MEGF9: variants seen among roughly 807,000 people sequenced by gnomAD.
MEGF9 encodes multiple epidermal growth factor-like domains protein 9.
MEGF9 carries 6 observed loss-of-function variants against 46.8 expected under a neutral mutation model. The observed-to-expected ratio is 0.13, with a 90% confidence interval of 0.07 to 0.25. The LOEUF is 0.25. MEGF9 is among the 10% of genes least tolerant of loss of function. The pLI is 1.00. For missense variants in MEGF9, 683 were observed against 792.4 expected, an observed-to-expected ratio of 0.86 and a Z score of 1.66; for synonymous variants, 302 against 330.7, an observed-to-expected ratio of 0.91 and a Z score of 0.94.
intron 1 of MEGF9, among the ~76,000 whole-genome samples, chr9:120,665,978 A>G (rs2132325691): frequency 6.6e-6 from 1 of 152,120 alleles, no homozygotes; most frequent in East Asian, 1.9e-4. Context: ...TACCTATGCC[A>G]TGTTGTTTTG....
At chr9:120,675,735 A>C (rs1322771578) in intron 1 of MEGF9, among the ~76,000 whole-genome samples, 1 of 151,652 alleles carries the variant, frequency 6.6e-6, no homozygotes, top group East Asian at 1.9e-4. Flanking sequence ...AAAAATACAA[A>C]AAATTAGCCG....
At chr9:120,677,252 C>G (rs1021594994) in intron 1 of MEGF9, among the ~76,000 whole-genome samples, 2 of 151,992 alleles carry the variant, frequency 1.3e-5, no homozygotes, top group Non-Finnish European at 2.9e-5. Context: ...CCTCAGCTTC[C>G]CAAGTAGTTG....
chr9:120,686,043 T>C lies in MEGF9; in HGVS notation c.602-26468A>G, dbSNP rs567464731. Among the ~76,000 whole-genome samples the C allele has an allele frequency of 5.9e-5, 9 of 151,540 alleles. No homozygotes were observed. In the East Asian group the frequency reaches 1.5e-3, roughly 26 times the overall value. ...AATTCACAGAAACAGATTGGAATGA[T>C]AGTTGCCAAGAGCTTGGGGGAAGGG... is the stretch of plus-strand genomic sequence containing the variant. On this transcript the variant is annotated intron_variant, in intron 1 of 5. Coordinates refer to ENST00000373930, the MANE Select transcript of MEGF9 (RefSeq NM_001080497.3).
Position 120,628,468 on chromosome 9 carries a change from GTTTTTTTTTTTTT to G in MEGF9, c.804-5726_804-5714del, listed in dbSNP as rs1170322238. ...TATTCAGACAGAAATTCTTGTCGTTGTTTTTTTTTTTTTTTTTTTTTTTTTTTCAGAGACAGAG... is the reference window on the plus strand; with the variant it reads ...TATTCAGACAGAAATTCTTGTCGTTGTTTTTTTTTTTTTTCAGAGACAGAG... On this transcript the variant is annotated intron_variant, in intron 2 of 5. Coordinates refer to ENST00000373930, the MANE Select transcript of MEGF9 (RefSeq NM_001080497.3). 6.7e-4 allele frequency among the ~76,000 whole-genome samples: 46 copies of G among 69,064 alleles called. 1 individual carries two copies. Among genetic ancestry groups the G allele is most frequent in the South Asian group, 5.9e-4 (1 of 1,706 alleles). 45.3% of individuals were successfully genotyped at this position (69,064 alleles called of 152,430 possible). A position where few individuals can be genotyped will look rare whatever the true frequency, so the allele number is the denominator to read the frequency against.
intron 1 of MEGF9, among the ~76,000 whole-genome samples, chr9:120,673,918 C>T (rs1449004725): frequency 7.0e-6 from 1 of 143,216 alleles, no homozygotes; most frequent in Non-Finnish European, 1.5e-5. Context: ...TGCAGTGAGC[C>T]GAGATCGTGC....
At chr9:120,704,848 C>T (rs1333797845) in intron 1 of MEGF9, among the ~76,000 whole-genome samples, 5 of 152,188 alleles carry the variant, frequency 3.3e-5, no homozygotes, top group African/African-American at 1.2e-4. Flanking sequence ...GAAATTCTGT[C>T]ATTCAAAAGA....
intron 2 of MEGF9, among the ~76,000 whole-genome samples, chr9:120,637,196 T>C (rs988613148): frequency 1.3e-5 from 2 of 151,794 alleles, no homozygotes; most frequent in African/African-American, 4.9e-5. Context: ...GTGCAAGATG[T>C]GCTTTGTTAA....
intron 4 of MEGF9, among the ~76,000 whole-genome samples, chr9:120,611,643 G>C (rs879821768): frequency 1.3e-5 from 2 of 151,978 alleles, no homozygotes; most frequent in Non-Finnish European, 2.9e-5. Flanking sequence ...TCCTTTTGTT[G>C]GGGGAGGTGA....
intron 2 of MEGF9, among the ~76,000 whole-genome samples, chr9:120,645,915 G>A (rs902869223): frequency 2.6e-5 from 4 of 152,162 alleles, no homozygotes; most frequent in Non-Finnish European, 2.9e-5. Flanking sequence ...TACAGTGGGT[G>A]GTAGCAATTG....
At chr9:120,692,652 CA>C (rs984719535) in intron 1 of MEGF9, among the ~76,000 whole-genome samples, 2 of 152,100 alleles carry the variant, frequency 1.3e-5, no homozygotes, top group African/African-American at 4.8e-5. Flanking sequence ...CAAATCTCTT[CA>C]TTCCCTGTTC....
intron 2 of MEGF9, among the ~76,000 whole-genome samples, chr9:120,632,797 C>T (rs535713138): frequency 2.2e-4 from 33 of 152,168 alleles, no homozygotes; most frequent in African/African-American, 5.5e-4. Flanking sequence ...GTTTTTATCA[C>T]GAAGGAATGT....
chr9:120,617,474 C>T (rs562417090), intron 3 of MEGF9, among the ~76,000 whole-genome samples: 14 of 152,180 alleles, frequency 9.2e-5, no homozygotes, highest in South Asian at 4.2e-4. Context: ...CAGTATGGAG[C>T]CCAGGTTAAC....
intron 1 of MEGF9, among the ~76,000 whole-genome samples, chr9:120,697,827 C>A (rs1040823550): frequency 2.0e-5 from 3 of 152,024 alleles, no homozygotes; most frequent in African/African-American, 7.2e-5. Flanking sequence ...AGAACCAGTG[C>A]TGAGACAGAA....
chr9:120,638,093 A>T (rs1054712066), intron 2 of MEGF9, among the ~76,000 whole-genome samples: 34 of 152,160 alleles, frequency 2.2e-4, no homozygotes, highest in African/African-American at 8.0e-4. Flanking sequence ...ACTGAGCTCA[A>T]ATAATCATCC....
In MEGF9 at chr9:120,601,811, A is replaced by G. The variant is rs924623686; in HGVS notation, c.*3379T>C. The G allele has an allele frequency of 6.6e-6, 1 of 152,196 alleles. No individual in the cohort carries two copies. The highest frequency in any genetic ancestry group is 2.4e-5 in the African/African-American group (1 of 41,448). 9.4% of individuals were successfully genotyped at this position (152,196 alleles called of 1,614,324 possible). A position where few individuals can be genotyped will look rare whatever the true frequency, so the allele number is the denominator to read the frequency against. ...GAGCGAGAGGGGAGTAAGGGAGGAC[A>G]CGGACATACTTAACACTACCTAGGG... On this transcript the variant is annotated 3_prime_UTR_variant, in exon 6 of 6. Transcript: ENST00000373930.
chr9:120,712,881 C>T (rs1437333082), intron 1 of MEGF9, among the ~76,000 whole-genome samples: 5 of 152,218 alleles, frequency 3.3e-5, no homozygotes, highest in Middle Eastern at 3.4e-3. Context: ...AAGATTTAAA[C>T]GGGGAAAGAA....
chr9:120,694,518 T>C (rs922299743), intron 1 of MEGF9, among the ~76,000 whole-genome samples: 4 of 152,240 alleles, frequency 2.6e-5, no homozygotes, highest in Non-Finnish European at 4.4e-5. Context: ...AATCATTTCA[T>C]AATTATGGGC....
Position 120,666,565 on chromosome 9 carries a change from G to A in MEGF9, c.602-6990C>T, listed in dbSNP as rs149327046. On this transcript the variant is annotated intron_variant, in intron 1 of 5. Transcript: ENST00000373930. ...CTGGTGTTAAGTACAAAATAGTAGA[G>A]ACACTTTGGAAAACAGTTTGACAGT... Among the ~76,000 whole-genome samples, 10 of 152,268 alleles carry A rather than the reference G, an allele frequency of 6.6e-5. No individual in the cohort carries two copies. The East Asian group carries it at 1.9e-3, about 29-fold the overall frequency.
intron 1 of MEGF9, among the ~76,000 whole-genome samples, chr9:120,703,336 T>C (rs777598799): frequency 5.3e-5 from 8 of 152,230 alleles, no homozygotes; most frequent in Non-Finnish European, 8.8e-5. Context: ...AGCAGAGGTA[T>C]AACTGTGAAC....
Sources: gnomAD v4.1 joint callset for allele counts (sites outside exome capture counted in the v4.1 genomes callset) on GRCh38, gnomAD v4.1.1 for gene constraint, MANE v1.5 for transcripts, NCBI Gene and HGNC (gene_info 2026-07-23, HGNC 2026-07-21) for gene names.